The following RBBP8 variants were observed in gnomAD, a reference collection of about 807,000 sequenced individuals.
RBBP8 encodes the protein RB binding protein 8, endonuclease.
RBBP8 carries 88 observed loss-of-function variants against 108.3 expected under a neutral mutation model. That is an observed-to-expected ratio of 0.81 (90% CI 0.68 to 0.97). RBBP8 has a LOEUF of 0.97. RBBP8 is among the 50% of genes least tolerant of loss of function. The pLI is 0.00. For missense variants in RBBP8, 1,023 were observed against 1,049.0 expected, an observed-to-expected ratio of 0.98 and a Z score of 0.34; for synonymous variants, 332 against 348.2, an observed-to-expected ratio of 0.95 and a Z score of 0.52.
intron 16 of RBBP8, among the ~76,000 whole-genome samples, chr18:23,009,559 A>T (rs2144785409): frequency 6.6e-6 from 1 of 150,840 alleles, no homozygotes; most frequent in East Asian, 1.9e-4. Context: ...TATAATGGAC[A>T]CAAAGTATGT....
chr18:22,971,152 A>G (rs1242455606), intron 5 of RBBP8, among the ~76,000 whole-genome samples: 2 of 151,720 alleles, frequency 1.3e-5, no homozygotes, highest in Non-Finnish European at 2.9e-5. Flanking sequence ...AGTCTTTAAA[A>G]AAAAAAAAAA....
At chr18:23,006,218 A>G (rs2046044754) in intron 15 of RBBP8, 145 bp from the exon 16 acceptor site, 2 of 716,238 alleles carry the variant, frequency 2.8e-6, no homozygotes, top group East Asian at 5.5e-5. Flanking sequence ...AAAGTTGCAG[A>G]AAATTTAAAT....
rs10655759 is a variant in RBBP8, at chr18:23,023,869, C to CTTTTTTTT, written c.2596+1613_2596+1620dup. Among the ~76,000 whole-genome samples, 28 of 86,106 alleles carry CTTTTTTTT rather than the reference C, an allele frequency of 3.3e-4. 2 individuals are homozygous for CTTTTTTTT. The highest frequency in any genetic ancestry group is 5.4e-4 in the Admixed American group (3 of 5,590). The allele number at this position is 86,106 out of a possible 152,430, so 56.5% of individuals were successfully genotyped here. A position where few individuals can be genotyped will look rare whatever the true frequency, so the allele number is the denominator to read the frequency against. On this transcript the variant is annotated intron_variant, in intron 18 of 18. Transcript: ENST00000327155. ...TAATAGCTAGTTTTTATGAAGGGGC[C>CTTTTTTTT]TTTTTTTTTTTTTTTTTTTTTGAGA...
intron 4 of RBBP8, among the ~76,000 whole-genome samples, chr18:22,953,044 A>G (rs1306830869): frequency 5.3e-5 from 8 of 152,246 alleles, no homozygotes; most frequent in Non-Finnish European, 1.2e-4. Context: ...GACTTTGGAC[A>G]CTGAAGAGAT....
intron 2 of RBBP8, among the ~76,000 whole-genome samples, chr18:22,944,524 G>A (rs1911384530): frequency 6.6e-6 from 1 of 152,316 alleles, no homozygotes; most frequent in Non-Finnish European, 1.5e-5. Flanking sequence ...ATGCACCACA[G>A]GTTTTGGTTT....
intron 2 of RBBP8, chr18:22,937,172 A>T (rs1293351358): frequency 3.9e-6 from 4 of 1,034,984 alleles, no homozygotes; most frequent in Non-Finnish European, 5.3e-6. Flanking sequence ...GGTACCCCAT[A>T]GGTAGTTTTT....
intron 1 of RBBP8, chr18:22,933,880 C>G (rs1267652815): frequency 6.6e-6 from 1 of 152,250 alleles, no homozygotes; most frequent in Non-Finnish European, 1.5e-5. Context: ...CAGACCCGCA[C>G]GCGGAACCGG....
At chr18:22,994,323 A>C (rs1456109963) in intron 12 of RBBP8, among the ~76,000 whole-genome samples, 2 of 141,968 alleles carry the variant, frequency 1.4e-5, no homozygotes, top group African/African-American at 5.1e-5. Flanking sequence ...GCGCCCGGCC[A>C]CTTATATACG....
upstream of RBBP8, among the ~76,000 whole-genome samples, chr18:22,931,511 G>T (rs1201516754): frequency 4.6e-5 from 7 of 152,150 alleles, no homozygotes. Flanking sequence ...GAGGGAAGAT[G>T]TATTTTTATT....
chr18:22,948,600 A>G (rs1911766822), intron 3 of RBBP8, among the ~76,000 whole-genome samples: 1 of 152,088 alleles, frequency 6.6e-6, no homozygotes, highest in Admixed American at 6.6e-5. Context: ...TTGATACCTG[A>G]CATTTTGGCT....
chr18:22,929,542 G>GTA, upstream of RBBP8: 1 of 125,456 alleles, frequency 8.0e-6, no homozygotes, highest in Admixed American at 7.4e-5. Context: ...GTGTGTGTGT[G>GTA]TGTGTGTGTA....
At chr18:22,959,828 AAGG>A (rs1218278167) in intron 4 of RBBP8, among the ~76,000 whole-genome samples, 26 of 147,410 alleles carry the variant, frequency 1.8e-4, no homozygotes, top group Admixed American at 6.7e-4. Context: ...TTTCCCCCTC[AAGG>A]TCTTTTTGTG....
At chr18:22,992,649 T>C in intron 10 of RBBP8, 99 bp from the exon 11 acceptor site, 1 of 982,826 alleles carries the variant, frequency 1.0e-6, no homozygotes, top group East Asian at 2.5e-5. Flanking sequence ...CCAAAAGCTG[T>C]ACCTTGTCTT....
intron 10 of RBBP8, among the ~76,000 whole-genome samples, chr18:22,991,848 T>A (rs1915723745): frequency 6.6e-6 from 1 of 152,236 alleles, no homozygotes; most frequent in African/African-American, 2.4e-5. Context: ...CTTTCAGTTT[T>A]TAGATATATA....
intron 2 of RBBP8, among the ~76,000 whole-genome samples, chr18:22,940,740 G>A (rs577599800): frequency 1.1e-4 from 17 of 152,010 alleles, no homozygotes; most frequent in African/African-American, 4.1e-4. Context: ...TCAAATTCCA[G>A]GGTGCAGGCA....
intron 8 of RBBP8, among the ~76,000 whole-genome samples, chr18:22,986,892 G>A (rs1915364887): frequency 1.3e-5 from 2 of 152,198 alleles, no homozygotes; most frequent in South Asian, 4.1e-4. Flanking sequence ...ACAGAGGGTG[G>A]CAGATCCTTG....
chr18:22,998,051 T>C (rs899453824), intron 14 of RBBP8, among the ~76,000 whole-genome samples: 1 of 152,216 alleles, frequency 6.6e-6, no homozygotes, highest in African/African-American at 2.4e-5. Context: ...CCATCGCTGT[T>C]TGTTCCATAC....
intron 3 of RBBP8, among the ~76,000 whole-genome samples, chr18:22,925,763 T>C (rs1316386963): frequency 6.6e-6 from 1 of 152,242 alleles, no homozygotes. Flanking sequence ...CTTCATAATA[T>C]TTTCCATTGC....
Position 22,992,792 on chromosome 18 carries a change from C to G in RBBP8, c.965C>G (p.Pro322Arg), listed in dbSNP as rs780325634. Residue 322 changes from proline to arginine, a missense_variant, in exon 11 of 19, where the codon CCT (proline) becomes CGT (arginine). By Grantham distance (103) the Pro-to-Arg change is moderately radical. Coordinates refer to ENST00000327155, the MANE Select transcript of RBBP8 (RefSeq NM_002894.3). Reference protein sequence around the residue: ...TSKTPPQEELPTRVSSPVFGA... With the variant: ...TSKTPPQEELRTRVSSPVFGA... Reference sequence around the variant, plus strand: ...AAGACTCCTCCTCAAGAAGAATTACCTACTCGAGTGTCATCTCCTGTATTT... The same window carrying G: ...AAGACTCCTCCTCAAGAAGAATTACGTACTCGAGTGTCATCTCCTGTATTT... 2.5e-6 allele frequency: 4 copies of G among 1,603,264 alleles called. No homozygotes were observed. Among genetic ancestry groups the G allele is most frequent in the East Asian group, 2.2e-5 (1 of 44,750 alleles).
Sources: gnomAD v4.1 joint callset for allele counts (sites outside exome capture counted in the v4.1 genomes callset) on GRCh38, gnomAD v4.1.1 for gene constraint, MANE v1.5 for transcripts, NCBI Gene and HGNC (gene_info 2026-07-23, HGNC 2026-07-21) for gene names.